The following ADGRG6 variants were observed in gnomAD, a reference collection of about 807,000 sequenced individuals.
ADGRG6 encodes the protein G-protein coupled receptor 126.
In ADGRG6, 84 loss-of-function variants were observed where a neutral mutation model predicts 142.4. The ratio of observed to expected loss-of-function variants is 0.59; its 90% confidence interval spans 0.49 to 0.71. The LOEUF is 0.71. Ranked by LOEUF, ADGRG6 falls within the 30% of genes least tolerant of loss-of-function variation. The probability of loss-of-function intolerance (pLI) is 0.00; values close to 1 mark genes in which losing one functional copy is unlikely to be tolerated. For synonymous variants in ADGRG6, 521 were observed against 520.5 expected (o/e 1.00, Z -0.01); for missense variants, 1,367 against 1,466.6 (o/e 0.93, Z 1.11).
intron 2 of ADGRG6, among the ~76,000 whole-genome samples, chr6:142,319,562 G>A (rs1338488797): frequency 2.0e-5 from 3 of 151,962 alleles, no homozygotes; most frequent in African/African-American, 7.2e-5. Flanking sequence ...CAACTAATAT[G>A]ACTTTTTTTG....
At chr6:142,349,725 C>A (rs7774095) in intron 2 of ADGRG6, among the ~76,000 whole-genome samples, 55,616 of 151,648 alleles carry the variant, frequency 0.37, 11,098 homozygotes, top group African/African-American at 0.54. Flanking sequence ...TAAACACACA[C>A]AAAAAAAGGT....
intron 2 of ADGRG6, among the ~76,000 whole-genome samples, chr6:142,316,049 G>A (rs567782998): frequency 1.8e-4 from 28 of 151,930 alleles, no homozygotes; most frequent in Non-Finnish European, 3.5e-4. Flanking sequence ...AAAAATATTT[G>A]TAATCGTTTG....
chr6:142,327,157 T>G (rs1018591173), intron 2 of ADGRG6, among the ~76,000 whole-genome samples: 1 of 152,068 alleles, frequency 6.6e-6, no homozygotes, highest in African/African-American at 2.4e-5. Flanking sequence ...TGGGGTAATA[T>G]GACTTTTCTA....
At chr6:142,341,831 A>G (rs924229048) in intron 2 of ADGRG6, among the ~76,000 whole-genome samples, 1 of 150,906 alleles carries the variant, frequency 6.6e-6, no homozygotes, top group Non-Finnish European at 1.5e-5. Flanking sequence ...TTCTGTACCA[A>G]TTAAAAATTC....
chr6:142,385,042 TCTAA>T (rs1262444668), intron 6 of ADGRG6, among the ~76,000 whole-genome samples: 1 of 151,998 alleles, frequency 6.6e-6, no homozygotes, highest in Non-Finnish European at 1.5e-5. Flanking sequence ...ATATTATAAT[TCTAA>T]CTAAGTATTT....
intron 2 of ADGRG6, among the ~76,000 whole-genome samples, chr6:142,347,751 C>G (rs911233558): frequency 6.6e-6 from 1 of 152,120 alleles, no homozygotes; most frequent in Non-Finnish European, 1.5e-5. Flanking sequence ...ATGACTACGT[C>G]TTTTTGTCTC....
At chr6:142,358,671 C>T (rs569707864) in intron 2 of ADGRG6, among the ~76,000 whole-genome samples, 1 of 152,202 alleles carries the variant, frequency 6.6e-6, no homozygotes, top group Admixed American at 6.5e-5. Flanking sequence ...CTTTGGGAGG[C>T]CGAGGAGGGC....
At chr6:142,322,898 T>C (rs1227643896) in intron 2 of ADGRG6, among the ~76,000 whole-genome samples, 6 of 152,112 alleles carry the variant, frequency 3.9e-5, no homozygotes, top group Admixed American at 3.3e-4. Flanking sequence ...CCAGCAAATA[T>C]AAAGCATGAA....
At chr6:142,376,475 G>C (rs559860033) in intron 4 of ADGRG6, among the ~76,000 whole-genome samples, 1 of 152,116 alleles carries the variant, frequency 6.6e-6, no homozygotes, top group Non-Finnish European at 1.5e-5. Flanking sequence ...TTCTGGATTT[G>C]TATTTTTGTT....
At chr6:142,356,065 C>T (rs1780427090) in intron 2 of ADGRG6, among the ~76,000 whole-genome samples, 1 of 152,202 alleles carries the variant, frequency 6.6e-6, no homozygotes, top group African/African-American at 2.4e-5. Context: ...GCCTCACCCC[C>T]AGCCCAGTGC....
chr6:142,366,431 C>T (rs1420238795), intron 2 of ADGRG6, among the ~76,000 whole-genome samples: 3 of 152,140 alleles, frequency 2.0e-5, no homozygotes, highest in Non-Finnish European at 4.4e-5. Context: ...TGGCATGCTC[C>T]TTCACATCAT....
At chr6:142,341,369 T>C (rs1247564289) in intron 2 of ADGRG6, among the ~76,000 whole-genome samples, 1 of 128,446 alleles carries the variant, frequency 7.8e-6, no homozygotes, top group African/African-American at 3.0e-5. Flanking sequence ...TGTAAGAATA[T>C]ATATTATATA....
chr6:142,379,437 C>T (rs953302425), intron 4 of ADGRG6, among the ~76,000 whole-genome samples: 1 of 152,182 alleles, frequency 6.6e-6, no homozygotes, highest in Non-Finnish European at 1.5e-5. Flanking sequence ...ATATAGTTTA[C>T]TTGCCTACCT....
At chr6:142,385,283 A>G (rs1217745209) in intron 6 of ADGRG6, among the ~76,000 whole-genome samples, 1 of 152,220 alleles carries the variant, frequency 6.6e-6, no homozygotes, top group Non-Finnish European at 1.5e-5. Context: ...AAGCAAGCAA[A>G]TGTTAGAATC....
At chr6:142,423,489 G>A (rs533659289) in intron 22 of ADGRG6, among the ~76,000 whole-genome samples, 2,320 of 151,122 alleles carry the variant, frequency 0.015, 46 homozygotes, top group African/African-American at 0.051. Context: ...TAGATATGTG[G>A]CGTTATTTCT....
chr6:142,368,144 G>A (rs1728573131), intron 3 of ADGRG6, among the ~76,000 whole-genome samples: 1 of 152,102 alleles, frequency 6.6e-6, no homozygotes, highest in South Asian at 2.1e-4. Flanking sequence ...GTTTATATGT[G>A]GAACATTTAA....
At chr6:142,305,429 TACACACACACACACACAC>T (rs5880531) in intron 1 of ADGRG6, among the ~76,000 whole-genome samples, 13,297 of 120,848 alleles carry the variant, frequency 0.11, 1,416 homozygotes, top group East Asian at 0.63. Context: ...GCCCCTCCTG[TACACACACACACACACAC>T]ACACACACAC....
intron 2 of ADGRG6, among the ~76,000 whole-genome samples, chr6:142,340,647 T>C (rs1223071784): frequency 1.3e-5 from 2 of 152,142 alleles, no homozygotes; most frequent in Non-Finnish European, 2.9e-5. Flanking sequence ...TTCTCTGCCT[T>C]TTCTGAAGTC....
chr6:142,314,971 A>AGT (rs58848776), intron 2 of ADGRG6, among the ~76,000 whole-genome samples: 79,347 of 144,936 alleles, frequency 0.55, 24,080 homozygotes, highest in Non-Finnish European at 0.69. Context: ...CCAATCATGG[A>AGT]GTGTGTGTGT....
Sources: allele counts gnomAD v4.1 joint callset (sites outside exome capture counted in the v4.1 genomes callset), GRCh38; gene constraint gnomAD v4.1.1; transcripts MANE v1.5; gene names NCBI Gene and HGNC (gene_info 2026-07-23, HGNC 2026-07-21).